Variants in CSMD1 observed in about 807,000 individuals in gnomAD.
CSMD1 encodes CUB and Sushi multiple domains 1, also known as CUB and sushi domain-containing protein 1.
In CSMD1, 213 loss-of-function variants were observed where a neutral mutation model predicts 417.5. That is an observed-to-expected ratio of 0.51 (90% confidence interval 0.46 to 0.57). The LOEUF is 0.57. Among genes scored for constraint, CSMD1 ranks in the 20% least tolerant of loss-of-function variants. The pLI, the probability that CSMD1 is intolerant of heterozygous loss-of-function variation, is 0.00. For synonymous variants in CSMD1, 2,862 were observed against 1,736.8 expected, an observed-to-expected ratio of 1.65 and a Z score of -16.11; for missense variants, 6,923 against 4,529.7, an observed-to-expected ratio of 1.53 and a Z score of -15.17.
At chr8:3,350,718 T>C (rs1198097741) in intron 21 of CSMD1, among the ~76,000 whole-genome samples, 1 of 152,164 alleles carries the variant, frequency 6.6e-6, no homozygotes, top group African/African-American at 2.4e-5. Flanking sequence ...AGCTATATAA[T>C]CATTTCTCAT....
intron 6 of CSMD1, among the ~76,000 whole-genome samples, chr8:3,714,063 T>G (rs1301988601): frequency 1.3e-5 from 1 of 78,142 alleles, no homozygotes; most frequent in African/African-American, 4.4e-5. Flanking sequence ...TAGATAGATG[T>G]CCACATACAC....
At chr8:4,522,431 A>C (rs1047369931) in intron 2 of CSMD1, among the ~76,000 whole-genome samples, 22 of 152,204 alleles carry the variant, frequency 1.4e-4, no homozygotes, top group African/African-American at 5.1e-4. Flanking sequence ...AGTTCATTAC[A>C]AATCTCACCC....
chr8:4,754,766 T>G (rs969173188), intron 1 of CSMD1, among the ~76,000 whole-genome samples: 1 of 151,954 alleles, frequency 6.6e-6, no homozygotes, highest in Non-Finnish European at 1.5e-5. Flanking sequence ...GGAGATTCGT[T>G]TGAACCCAGG....
At chr8:4,457,829 C>T (rs986684729) in intron 2 of CSMD1, among the ~76,000 whole-genome samples, 1 of 152,108 alleles carries the variant, frequency 6.6e-6, no homozygotes, top group African/African-American at 2.4e-5. Flanking sequence ...CCCTTGCAGA[C>T]AGCTTTGCAG....
chr8:3,469,145 G>T (rs922284084), intron 11 of CSMD1: 31 of 220,856 alleles, frequency 1.4e-4, no homozygotes, highest in African/African-American at 6.4e-4. Context: ...TGTTACAACT[G>T]GGACAGTCCT....
chr8:4,663,374 G>C (rs78831158), intron 1 of CSMD1, among the ~76,000 whole-genome samples: 4,504 of 152,226 alleles, frequency 0.03, 220 homozygotes, highest in African/African-American at 0.1. Context: ...TTTCCTCTAA[G>C]GGACTCTTTG....
chr8:3,556,510 TCACACGCA>T (rs1474393090), intron 10 of CSMD1, among the ~76,000 whole-genome samples: 4 of 93,924 alleles, frequency 4.3e-5, no homozygotes, highest in African/African-American at 2.2e-4. Flanking sequence ...AACTTCTTTT[TCACACGCA>T]CACACACACA....
intron 12 of CSMD1, among the ~76,000 whole-genome samples, chr8:3,413,098 T>G (rs1029170101): frequency 1.3e-5 from 2 of 152,144 alleles, no homozygotes; most frequent in African/African-American, 4.8e-5. Context: ...CCTCAAAGGG[T>G]GGCCATGAGA....
intron 29 of CSMD1, 64 bp from the exon 30 acceptor site, chr8:3,214,755 T>G (rs564451035): frequency 2.3e-4 from 311 of 1,352,628 alleles, no homozygotes; most frequent in Non-Finnish European, 2.8e-4. Flanking sequence ...GTGTTTTTGT[T>G]TGTTGGGTTG....
chr8:4,890,969 G>A (rs979506132), intron 1 of CSMD1, among the ~76,000 whole-genome samples: 1 of 152,082 alleles, frequency 6.6e-6, no homozygotes, highest in African/African-American at 2.4e-5. Flanking sequence ...GGTGGTGTTT[G>A]ATTTCATAGT....
intron 23 of CSMD1, among the ~76,000 whole-genome samples, chr8:3,330,591 A>G (rs757825058): frequency 1.3e-5 from 2 of 152,156 alleles, no homozygotes; most frequent in African/African-American, 2.4e-5. Context: ...CCTGGGGCCT[A>G]TTGGAGGGTG....
intron 2 of CSMD1, among the ~76,000 whole-genome samples, chr8:4,598,427 G>A (rs967197766): frequency 6.6e-6 from 1 of 152,312 alleles, no homozygotes; most frequent in East Asian, 1.9e-4. Context: ...GGAAATCACT[G>A]CTATCAGCCA....
At chr8:3,556,963 A>T (rs1340006512) in intron 10 of CSMD1, among the ~76,000 whole-genome samples, 1 of 152,166 alleles carries the variant, frequency 6.6e-6, no homozygotes. Context: ...GAGAACTGCT[A>T]AGTCAAGCAG....
At chr8:3,568,902 G>T (rs1419717276) in intron 10 of CSMD1, among the ~76,000 whole-genome samples, 1 of 151,956 alleles carries the variant, frequency 6.6e-6, no homozygotes, top group Non-Finnish European at 1.5e-5. Context: ...TTCCAATGAA[G>T]ACCCCAGGGA....
intron 6 of CSMD1, among the ~76,000 whole-genome samples, chr8:3,750,851 C>A (rs1797303136): frequency 6.6e-6 from 1 of 152,186 alleles, no homozygotes; most frequent in African/African-American, 2.4e-5. Context: ...CAACAGCAAC[C>A]ATACTGGAGC....
At chr8:3,556,273 C>T (rs1264980670) in intron 10 of CSMD1, among the ~76,000 whole-genome samples, 2 of 151,002 alleles carry the variant, frequency 1.3e-5, no homozygotes, top group African/African-American at 4.9e-5. Flanking sequence ...CCACCCTCAC[C>T]TCCCTACAAC....
chr8:3,606,335 G>C (rs1034478997), intron 8 of CSMD1, among the ~76,000 whole-genome samples: 1 of 152,142 alleles, frequency 6.6e-6, no homozygotes, highest in African/African-American at 2.4e-5. Flanking sequence ...TGGGCTTCAT[G>C]GTACAGCCTA....
At chr8:3,958,316 CTCTCTTTTT>C (rs1377739804) in intron 5 of CSMD1, among the ~76,000 whole-genome samples, 3 of 128,960 alleles carry the variant, frequency 2.3e-5, no homozygotes, top group Non-Finnish European at 4.9e-5. Context: ...TTTTTAAACT[CTCTCTTTTT>C]TTTTTTTTTT....
chr8:3,121,627 T>G (rs1817210545), intron 41 of CSMD1, among the ~76,000 whole-genome samples: 2 of 152,118 alleles, frequency 1.3e-5, no homozygotes, highest in African/African-American at 4.8e-5. Context: ...ATCACCTCTT[T>G]TACCTACTAT....
Sources: allele counts gnomAD v4.1 joint callset (sites outside exome capture counted in the v4.1 genomes callset), GRCh38; gene constraint gnomAD v4.1.1; transcripts MANE v1.5; gene names NCBI Gene and HGNC (gene_info 2026-07-23, HGNC 2026-07-21).